Variants in SCCPDH observed in about 807,000 individuals in gnomAD.
The protein encoded by SCCPDH is saccharopine dehydrogenase-like oxidoreductase.
In SCCPDH, 34 loss-of-function variants were observed where a neutral mutation model predicts 51.5. The ratio of observed to expected loss-of-function variants is 0.66; its 90% confidence interval spans 0.50 to 0.88. SCCPDH has a LOEUF of 0.88. Ranked by LOEUF, SCCPDH falls within the 40% of genes least tolerant of loss-of-function variation. The probability of loss-of-function intolerance (pLI) is 0.00; values close to 1 mark genes in which losing one functional copy is unlikely to be tolerated. For missense variants in SCCPDH, 464 were observed against 527.1 expected (o/e 0.88, Z 1.17); for synonymous variants, 187 against 191.3 (o/e 0.98, Z 0.19).
chr1:246,759,391 C>T (rs551423814), intron 7 of SCCPDH, among the ~76,000 whole-genome samples: 6 of 152,128 alleles, frequency 3.9e-5, no homozygotes, highest in African/African-American at 9.7e-5. Context: ...AAATTCAATA[C>T]GGGAAATCCT....
chr1:246,764,278 T>C lies in SCCPDH; in HGVS notation c.1023T>C (p.Phe341=). 1 of 1,613,886 alleles carries C rather than the reference T, an allele frequency of 6.2e-7. No homozygotes were observed. The highest frequency in any genetic ancestry group is 8.5e-7 in the Non-Finnish European group (1 of 1,179,876). Residue 341 remains phenylalanine (F), a synonymous_variant, in exon 10 of 12, where the codon TTT becomes TTC. Coordinates refer to ENST00000366510, the MANE Select transcript of SCCPDH (RefSeq NM_016002.3). The part of the protein sequence containing the change: ...IDAASFTLTF[F]GQGYSQGTGT... The stretch of plus-strand genomic sequence containing the variant: ...CTGCCTCATTCACGCTGACATTCTT[T>C]GGTCAAGGATACAGCCAAGGCACTG...
In SCCPDH at chr1:246,758,099, T is replaced by C. The variant is rs1318871069; in HGVS notation, c.565-127T>C. 5 of 697,198 alleles carry C rather than the reference T, an allele frequency of 7.2e-6. No individual in the cohort carries two copies. In the South Asian group the frequency reaches 1.5e-4, roughly 20 times the overall value. 43.2% of individuals were successfully genotyped at this position (697,198 alleles called of 1,614,324 possible). ...GTCATGAAAATTCTCCTCAAGATTA[T>C]TAAATCAGGGATTATGTCTTGTCCA... On this transcript the variant is annotated intron_variant, in intron 5 of 11. Coordinates refer to ENST00000366510, the MANE Select transcript of SCCPDH (RefSeq NM_016002.3).
intron 5 of SCCPDH, among the ~76,000 whole-genome samples, chr1:246,746,184 A>T (rs1160641571): frequency 6.6e-6 from 1 of 151,834 alleles, no homozygotes; most frequent in Non-Finnish European, 1.5e-5. Flanking sequence ...CATCTCCAAC[A>T]ACTGAGCTCC....
At chr1:246,766,535 A>G (rs1358532421) in intron 11 of SCCPDH, among the ~76,000 whole-genome samples, 1 of 152,206 alleles carries the variant, frequency 6.6e-6, no homozygotes, top group Non-Finnish European at 1.5e-5. Flanking sequence ...AAATGGAACC[A>G]TGGGATCCTG....
chr1:246,754,816 A>C (rs531987425), intron 5 of SCCPDH, among the ~76,000 whole-genome samples: 1 of 152,254 alleles, frequency 6.6e-6, no homozygotes, highest in African/African-American at 2.4e-5. Flanking sequence ...TGATTTTAGT[A>C]GTTTGGGTTT....
chr1:246,730,198 C>T (rs1379352367), intron 2 of SCCPDH, among the ~76,000 whole-genome samples: 1 of 152,156 alleles, frequency 6.6e-6, no homozygotes, highest in African/African-American at 2.4e-5. Context: ...TTGTTTTCCT[C>T]CCTCCTCCAA....
chr1:246,728,602 C>T (rs185277230), intron 2 of SCCPDH, among the ~76,000 whole-genome samples: 1 of 152,364 alleles, frequency 6.6e-6, no homozygotes, highest in Non-Finnish European at 1.5e-5. Flanking sequence ...CTCCTGCTCT[C>T]TGAAGCAGCT....
chr1:246,760,469 T>A (rs1668995957), intron 9 of SCCPDH, among the ~76,000 whole-genome samples: 1 of 152,164 alleles, frequency 6.6e-6, no homozygotes, highest in Admixed American at 6.5e-5. Flanking sequence ...AGGTAGTACA[T>A]GGCCCAGCTG....
intron 5 of SCCPDH, among the ~76,000 whole-genome samples, chr1:246,757,397 C>T (rs902206136): frequency 3.4e-5 from 5 of 147,394 alleles, no homozygotes; most frequent in East Asian, 2.0e-4. Context: ...ATTCAGAGGT[C>T]GTGTCCTCTC....
intron 4 of SCCPDH, among the ~76,000 whole-genome samples, chr1:246,741,542 C>T (rs1036315759): frequency 1.3e-5 from 2 of 151,990 alleles, no homozygotes; most frequent in Non-Finnish European, 2.9e-5. Flanking sequence ...AGGTGATCCT[C>T]CCACCTTGGC....
Position 246,758,280 on chromosome 1 carries a change from C to G in SCCPDH, c.619C>G (p.Gln207Glu), listed in dbSNP as rs770243381. ...WKSAIYGFGD[Q>E]SNLRKLRNVS... Reference sequence around the variant, plus strand: ...GTCAGCAATTTATGGTTTTGGAGATCAGAGTAATTTGAGAAAACTAAGAAA... The same window carrying G: ...GTCAGCAATTTATGGTTTTGGAGATGAGAGTAATTTGAGAAAACTAAGAAA... Residue 207 changes from glutamine (Q) to glutamate (E), a missense_variant, in exon 6 of 12, where the codon CAG becomes GAG. Coordinates refer to ENST00000366510, the MANE Select transcript of SCCPDH (RefSeq NM_016002.3). 2 of 1,608,310 alleles carry G rather than the reference C, an allele frequency of 1.2e-6. No homozygotes were observed. The highest frequency in any genetic ancestry group is 1.1e-5 in the South Asian group (1 of 90,308).
At chr1:246,725,534 C>G (rs959343400) in intron 1 of SCCPDH, among the ~76,000 whole-genome samples, 3 of 152,156 alleles carry the variant, frequency 2.0e-5, no homozygotes, top group Admixed American at 1.3e-4. Context: ...TCTGGAAATA[C>G]TACATTCTTT....
chr1:246,758,205 ACT>A lies in SCCPDH; in HGVS notation c.565-18_565-17del, dbSNP rs1668959590. On this transcript the variant is annotated intron_variant, in intron 5 of 11. Transcript: ENST00000366510. ...GTAACTACCCTTTCATGTTTCTTTA[ACT>A]CTTGAAATATTTTATTAGGGGTTGA... 2 of 1,545,270 alleles carry A rather than the reference ACT, an allele frequency of 1.3e-6. No individual in the cohort carries two copies. The highest frequency in any genetic ancestry group is 2.5e-5 in the South Asian group (2 of 79,948).
intron 1 of SCCPDH, 42 bp downstream of exon 1, chr1:246,724,654 C>A: frequency 7.1e-7 from 1 of 1,410,612 alleles, no homozygotes; most frequent in South Asian, 1.5e-5. Flanking sequence ...GGCGGCTGGG[C>A]CGGGGACCCC....
intron 4 of SCCPDH, among the ~76,000 whole-genome samples, chr1:246,741,682 C>T (rs147782426): frequency 1.3e-5 from 2 of 152,170 alleles, no homozygotes; most frequent in African/African-American, 4.8e-5. Flanking sequence ...AGGTGAACAG[C>T]TATATGCCCA....
intron 1 of SCCPDH, among the ~76,000 whole-genome samples, chr1:246,725,644 G>T (rs1049356150): frequency 6.6e-6 from 1 of 152,150 alleles, no homozygotes; most frequent in African/African-American, 2.4e-5. Context: ...ACAGCTTTTG[G>T]TGCTGACACT....
At chr1:246,747,653 G>C (rs1430514484) in intron 5 of SCCPDH, among the ~76,000 whole-genome samples, 1 of 152,162 alleles carries the variant, frequency 6.6e-6, no homozygotes, top group Non-Finnish European at 1.5e-5. Flanking sequence ...TCTTATCCCT[G>C]ACACAGGTAG....
At chr1:246,757,071 C>T (rs1164792051) in intron 5 of SCCPDH, among the ~76,000 whole-genome samples, 1 of 152,134 alleles carries the variant, frequency 6.6e-6, no homozygotes, top group African/African-American at 2.4e-5. Flanking sequence ...AGGCCGGGCG[C>T]GGTGGCTCAT....
In SCCPDH at chr1:246,767,330, G is replaced by A. The variant is rs192198477; in HGVS notation, c.*30G>A. The A allele has an allele frequency of 9.0e-6, 12 of 1,332,582 alleles. No homozygotes were observed. The highest frequency in any genetic ancestry group is 7.5e-5 in the East Asian group (3 of 39,874). The allele number at this position is 1,332,582 out of a possible 1,614,324, so 82.5% of individuals were successfully genotyped here. On this transcript the variant is annotated 3_prime_UTR_variant, in exon 12 of 12. Coordinates refer to ENST00000366510, the MANE Select transcript of SCCPDH (RefSeq NM_016002.3). ...TGGAAGAATTAACTGAAGTCATAAC[G>A]TGCGTGAATTAACAGCTTCTCTATT... is the stretch of plus-strand genomic sequence containing the variant.
Sources: gnomAD v4.1 joint callset for allele counts (sites outside exome capture counted in the v4.1 genomes callset) on GRCh38, gnomAD v4.1.1 for gene constraint, MANE v1.5 for transcripts, NCBI Gene and HGNC (gene_info 2026-07-23, HGNC 2026-07-21) for gene names.